FLRT2: variants seen among roughly 807,000 people sequenced by gnomAD.
FLRT2 encodes the protein fibronectin leucine rich transmembrane protein 2.
In FLRT2, 15 loss-of-function variants were observed where a neutral mutation model predicts 40.0. The observed-to-expected ratio is 0.38, with a 90% confidence interval of 0.25 to 0.58. The LOEUF (loss-of-function observed/expected upper bound fraction) is 0.58. Among genes scored for constraint, FLRT2 ranks in the 20% least tolerant of loss-of-function variants. The pLI is 0.71. For synonymous variants in FLRT2, 380 were observed against 336.8 expected, an observed-to-expected ratio of 1.13 and a Z score of -1.41; for missense variants, 726 against 840.0, an observed-to-expected ratio of 0.86 and a Z score of 1.68.
At position 85,623,186 on chromosome 14, in the gene FLRT2, T is replaced by C. The variant is rs1170588515; in HGVS notation, c.1672T>C (p.Leu558=). The change falls in exon 2 of 2, where the codon TTG becomes CTG. Residue 558 remains leucine (L), a synonymous_variant. Coordinates refer to ENST00000330753, the MANE Select transcript of FLRT2 (RefSeq NM_013231.6). The stretch of plus-strand genomic sequence containing the variant: ...CGCGGTGATATTTGTGCTGGTGGTC[T>C]TGCTCAGCGTCTTTTGCTGGCATAT... The part of the protein sequence containing the change: ...GGAVIFVLVV[L]LSVFCWHMHK... 1 of 1,552,502 alleles carries C rather than the reference T, an allele frequency of 6.4e-7. No individual in the cohort carries two copies. The highest frequency in any genetic ancestry group is 1.9e-5 in the Admixed American group (1 of 51,568).
At position 85,650,516 on chromosome 14, in the gene FLRT2, C is replaced by A. The variant is rs1367269003; in HGVS notation, c.*27019C>A. 3 of 151,886 alleles carry A rather than the reference C, an allele frequency of 2.0e-5. No individual in the cohort carries two copies. Among genetic ancestry groups the A allele is most frequent in the African/African-American group, 7.2e-5 (3 of 41,398 alleles). The allele number at this position is 151,886 out of a possible 1,614,324, so 9.4% of individuals were successfully genotyped here. On this transcript the variant is annotated 3_prime_UTR_variant, in exon 2 of 2. Coordinates refer to ENST00000330753, the MANE Select transcript of FLRT2 (RefSeq NM_013231.6). The stretch of plus-strand genomic sequence containing the variant: ...ATTTGAATTGCTAAAATTGAACATT[C>A]AATTTTCATTTTTAACTTTACTAAA...
At chr14:85,558,967 C>T (rs1950178) in intron 1 of FLRT2, among the ~76,000 whole-genome samples, 2 of 152,200 alleles carry the variant, frequency 1.3e-5, no homozygotes, top group South Asian at 2.1e-4. Flanking sequence ...GCTTCCTAAA[C>T]GTTTAGTGTT....
intron 1 of FLRT2, among the ~76,000 whole-genome samples, chr14:85,597,531 T>C (rs7151273): frequency 0.17 from 25,533 of 152,156 alleles, 2,698 homozygotes; most frequent in East Asian, 0.54. Context: ...AGCTTGATAC[T>C]GGAAGTAACA....
rs1233238355 is a variant in FLRT2 at position 85,649,142 on chromosome 14, A to C, written c.*25645A>C. Reference sequence around the variant, plus strand: ...TGCAGAAGCATATATGTAAAAATATACCTTTTAGAAATGATTTTAGAATCT... The same window carrying C: ...TGCAGAAGCATATATGTAAAAATATCCCTTTTAGAAATGATTTTAGAATCT... On this transcript the variant is annotated 3_prime_UTR_variant, in exon 2 of 2. Coordinates refer to ENST00000330753, the MANE Select transcript of FLRT2 (RefSeq NM_013231.6). 1.3e-5 allele frequency: 2 copies of C among 152,136 alleles called. No homozygotes were observed. Among genetic ancestry groups the C allele is most frequent in the East Asian group, 3.9e-4 (2 of 5,176 alleles). 9.4% of individuals were successfully genotyped at this position (152,136 alleles called of 1,614,324 possible). A position where few individuals can be genotyped will look rare whatever the true frequency, so the allele number is the denominator to read the frequency against.
chr14:85,566,550 T>TGTGTGTGTGC (rs1491273324), intron 1 of FLRT2, among the ~76,000 whole-genome samples: 1 of 18,390 alleles, frequency 5.4e-5, no homozygotes, highest in Non-Finnish European at 8.7e-5. Context: ...CTTCCATGGT[T>TGTGTGTGTGC]GTGTGTGTGT....
intron 1 of FLRT2, among the ~76,000 whole-genome samples, chr14:85,571,042 AGGTGGTG>A (rs1890869732): frequency 6.6e-6 from 1 of 152,126 alleles, no homozygotes; most frequent in Admixed American, 6.6e-5. Context: ...GGATGATGGT[AGGTGGTG>A]ACAGTAGATC....
Position 85,639,059 on chromosome 14 carries a change from T to A in FLRT2, c.*15562T>A, listed in dbSNP as rs1042324298. Reference sequence around the variant, plus strand: ...GCATTAGGATAAGTGTCGTCTCTTGTAGATAGATAAAAACTAAACTGAAAC... The same window carrying A: ...GCATTAGGATAAGTGTCGTCTCTTGAAGATAGATAAAAACTAAACTGAAAC... On this transcript the variant is annotated 3_prime_UTR_variant, in exon 2 of 2. Coordinates refer to ENST00000330753, the MANE Select transcript of FLRT2 (RefSeq NM_013231.6). 3.3e-5 allele frequency: 5 copies of A among 152,176 alleles called. No homozygotes were observed. Among genetic ancestry groups the A allele is most frequent in the African/African-American group, 7.2e-5 (3 of 41,450 alleles). 9.4% of individuals were successfully genotyped at this position (152,176 alleles called of 1,614,324 possible). A position where few individuals can be genotyped will look rare whatever the true frequency, so the allele number is the denominator to read the frequency against.
At chr14:85,553,053 G>T (rs1312968409) in intron 1 of FLRT2, among the ~76,000 whole-genome samples, 1 of 152,206 alleles carries the variant, frequency 6.6e-6, no homozygotes, top group African/African-American at 2.4e-5. Context: ...AATAGATACA[G>T]TGAATAAGGT....
chr14:85,554,184 G>A (rs60713816), intron 1 of FLRT2, among the ~76,000 whole-genome samples: 2,965 of 152,244 alleles, frequency 0.019, 76 homozygotes, highest in East Asian at 0.088. Flanking sequence ...ATTCATGAGT[G>A]AGCCAGCAAT....
At chr14:85,546,262 A>T (rs1889274760) in intron 1 of FLRT2, among the ~76,000 whole-genome samples, 1 of 152,186 alleles carries the variant, frequency 6.6e-6, no homozygotes, top group African/African-American at 2.4e-5. Context: ...ATTTCTCTGT[A>T]AATATTATTA....
intron 1 of FLRT2, among the ~76,000 whole-genome samples, chr14:85,532,155 T>G (rs151035771): frequency 6.6e-6 from 1 of 152,132 alleles, no homozygotes; most frequent in Non-Finnish European, 1.5e-5. Context: ...TGGCGGCCAC[T>G]GCCCCACTTA....
At chr14:85,537,857 T>TC (rs1888760361) in intron 1 of FLRT2, among the ~76,000 whole-genome samples, 1 of 151,454 alleles carries the variant, frequency 6.6e-6, no homozygotes, top group Admixed American at 6.6e-5. Context: ...TTTTTTTTTT[T>TC]CTTCCTTAGC....
At chr14:85,552,755 T>C (rs577906954) in intron 1 of FLRT2, 1 of 152,330 alleles carries the variant, frequency 6.6e-6, no homozygotes, top group African/African-American at 2.4e-5. Flanking sequence ...CGGAGACCTT[T>C]GGGTTGATGG....
chr14:85,588,977 C>T (rs189373599), intron 1 of FLRT2, among the ~76,000 whole-genome samples: 28 of 152,224 alleles, frequency 1.8e-4, no homozygotes, highest in African/African-American at 6.7e-4. Flanking sequence ...CTGAATAGTG[C>T]TCCATTTTCT....
rs1237776033 is a variant in FLRT2 at position 85,623,733 on chromosome 14, A to G, written c.*236A>G. 3.1e-5 allele frequency: 12 copies of G among 388,550 alleles called. No individual in the cohort carries two copies. The highest frequency in any genetic ancestry group is 8.1e-5 in the East Asian group (2 of 24,630). 24.1% of individuals were successfully genotyped at this position (388,550 alleles called of 1,614,324 possible). The stretch of plus-strand genomic sequence containing the variant: ...TAACTCTTTGCTTTTTAAATCTTAA[A>G]AAAAAAAAAGTTGCTGAAGTACTGT... On this transcript the variant is annotated 3_prime_UTR_variant, in exon 2 of 2. Coordinates refer to ENST00000330753, the MANE Select transcript of FLRT2 (RefSeq NM_013231.6).
In FLRT2 at chr14:85,652,352, C is replaced by G. The variant is rs1349111498; in HGVS notation, c.*28855C>G. 6.6e-6 allele frequency: 1 copy of G among 152,054 alleles called. No homozygotes were observed. 9.4% of individuals were successfully genotyped at this position (152,054 alleles called of 1,614,324 possible). A position where few individuals can be genotyped will look rare whatever the true frequency, so the allele number is the denominator to read the frequency against. ...ATTGTTTGGGGAAAGACTTCTATTT[C>G]TTATGACATGCTTCCTTTTCATTGA... is the stretch of plus-strand genomic sequence containing the variant. On this transcript the variant is annotated 3_prime_UTR_variant, in exon 2 of 2. Transcript: ENST00000330753.
intron 1 of FLRT2, among the ~76,000 whole-genome samples, chr14:85,587,424 T>C (rs1891672973): frequency 6.6e-6 from 1 of 152,158 alleles, no homozygotes; most frequent in Non-Finnish European, 1.5e-5. Flanking sequence ...ATTTTCCTGA[T>C]TTGTTTTGTT....
chr14:85,597,305 T>C (rs1227117750), intron 1 of FLRT2, among the ~76,000 whole-genome samples: 3 of 152,196 alleles, frequency 2.0e-5, no homozygotes, highest in South Asian at 2.1e-4. Context: ...ACTCCATACA[T>C]ATTCTCTTAT....
rs1893950018 is a variant in FLRT2 at position 85,634,249 on chromosome 14, CAGTCCTTG to C, written c.*10754_*10761del. 1 of 152,198 alleles carries C rather than the reference CAGTCCTTG, an allele frequency of 6.6e-6. No individual in the cohort carries two copies. The highest frequency in any genetic ancestry group is 1.5e-5 in the Non-Finnish European group (1 of 68,040). 9.4% of individuals were successfully genotyped at this position (152,198 alleles called of 1,614,324 possible). A position where few individuals can be genotyped will look rare whatever the true frequency, so the allele number is the denominator to read the frequency against. ...TGATGAGGGGGGAAATATACTTTTT[CAGTCCTTG>C]ACTGCATGATTTAATTGGTTTCAGG... On this transcript the variant is annotated 3_prime_UTR_variant, in exon 2 of 2. Coordinates refer to ENST00000330753, the MANE Select transcript of FLRT2 (RefSeq NM_013231.6).
Sources: gnomAD v4.1 joint callset for allele counts (sites outside exome capture counted in the v4.1 genomes callset) on GRCh38, gnomAD v4.1.1 for gene constraint, MANE v1.5 for transcripts, NCBI Gene and HGNC (gene_info 2026-07-23, HGNC 2026-07-21) for gene names.